The following FGGY variants were observed in gnomAD, a reference collection of about 807,000 sequenced individuals.
The protein encoded by FGGY is FGGY carbohydrate kinase domain-containing protein.
Under a neutral mutation model 71.3 loss-of-function variants are expected in FGGY, and 72 were observed. The observed-to-expected ratio is 1.01, with a 90% CI of 0.84 to 1.23. The LOEUF is 1.23. FGGY is among the 50% of genes most tolerant of loss of function. FGGY has a pLI of 0.00. For synonymous variants in FGGY, 251 were observed against 250.3 expected (o/e 1.00, Z -0.02); for missense variants, 668 against 682.3 (o/e 0.98, Z 0.23).
At chr1:59,453,544 G>A (rs1317198838) in intron 5 of FGGY, among the ~76,000 whole-genome samples, 1 of 152,164 alleles carries the variant, frequency 6.6e-6, no homozygotes, top group Admixed American at 6.5e-5. Context: ...CTCACTCACT[G>A]GAGTCTTGGC....
chr1:59,736,539 A>G (rs2098105797), intron 14 of FGGY, among the ~76,000 whole-genome samples: 1 of 152,174 alleles, frequency 6.6e-6, no homozygotes, highest in Non-Finnish European at 1.5e-5. Flanking sequence ...ACTGGAGCAA[A>G]GGTGACTCTT....
At chr1:59,340,323 G>A (rs917406844) in intron 3 of FGGY, among the ~76,000 whole-genome samples, 3 of 152,216 alleles carry the variant, frequency 2.0e-5, no homozygotes, top group African/African-American at 4.8e-5. Context: ...CTTGGTAAAG[G>A]AAGGATATGA....
intron 8 of FGGY, among the ~76,000 whole-genome samples, chr1:59,580,728 C>T (rs2096177884): frequency 6.6e-6 from 1 of 152,170 alleles, no homozygotes; most frequent in South Asian, 2.1e-4. Flanking sequence ...TTCAATCCCT[C>T]TATTCTACCG....
At chr1:59,327,857 G>A (rs936121985) in intron 2 of FGGY, among the ~76,000 whole-genome samples, 4 of 152,186 alleles carry the variant, frequency 2.6e-5, no homozygotes, top group Non-Finnish European at 4.4e-5. Flanking sequence ...GTGACTCGGT[G>A]CATTGTCAAT....
At chr1:59,653,428 G>A (rs554898678) in intron 11 of FGGY, among the ~76,000 whole-genome samples, 15 of 152,246 alleles carry the variant, frequency 9.9e-5, no homozygotes, top group Admixed American at 2.6e-4. Context: ...AGGACCCTCC[G>A]AGCCAGGTGT....
chr1:59,591,323 A>T (rs1170329957), intron 8 of FGGY, among the ~76,000 whole-genome samples: 2 of 152,226 alleles, frequency 1.3e-5, no homozygotes, highest in African/African-American at 4.8e-5. Context: ...TTCCATGCTC[A>T]TGGGTAGGAA....
chr1:59,441,703 GATGAAGAAA>G (rs2069931917), intron 5 of FGGY, among the ~76,000 whole-genome samples: 1 of 152,174 alleles, frequency 6.6e-6, no homozygotes, highest in Non-Finnish European at 1.5e-5. Context: ...CTTCTTAACA[GATGAAGAAA>G]ATGAAGAGCA....
intron 7 of FGGY, among the ~76,000 whole-genome samples, chr1:59,526,048 CTGTT>C (rs1398173042): frequency 5.3e-5 from 8 of 152,026 alleles, no homozygotes; most frequent in South Asian, 4.2e-4. Context: ...ATTTGTATGT[CTGTT>C]TATGTGTACA....
chr1:59,415,928 A>T (rs1178824253), intron 5 of FGGY, among the ~76,000 whole-genome samples: 1 of 152,222 alleles, frequency 6.6e-6, no homozygotes, highest in Non-Finnish European at 1.5e-5. Flanking sequence ...ATTTGGGTCA[A>T]GTGTACCTAC....
Position 59,583,825 on chromosome 1 carries a change from T to A in FGGY, c.904-23978T>A, listed in dbSNP as rs1490763321. ...GAGAGTGAGGAGTGAGAGGTCCAAA[T>A]TCAACTGGAGACCCTCAAGATGAGA... On this transcript the variant is annotated intron_variant, in intron 8 of 15. Transcript: ENST00000303721. Among the ~76,000 whole-genome samples, 7 of 141,902 alleles carry A rather than the reference T, an allele frequency of 4.9e-5. 1 individual carries two copies. In the South Asian group the frequency reaches 8.0e-4, roughly 16 times the overall value. 93.1% of individuals were successfully genotyped at this position (141,902 alleles called of 152,430 possible).
At chr1:59,474,781 T>C (rs942763357) in intron 6 of FGGY, among the ~76,000 whole-genome samples, 1 of 152,214 alleles carries the variant, frequency 6.6e-6, no homozygotes, top group African/African-American at 2.4e-5. Context: ...AAGTTCACAG[T>C]TGCCTATGGT....
intron 14 of FGGY, among the ~76,000 whole-genome samples, chr1:59,679,154 A>G (rs1317533202): frequency 6.6e-6 from 1 of 152,150 alleles, no homozygotes; most frequent in East Asian, 1.9e-4. Flanking sequence ...AAACATCCTC[A>G]TTGCTTAGCT....
chr1:59,377,689 G>A lies in FGGY; in HGVS notation c.466-1060G>A, dbSNP rs568164456. 2.0e-4 allele frequency among the ~76,000 whole-genome samples: 30 copies of A among 152,130 alleles called. 1 individual carries two copies. The South Asian group carries it at 3.9e-3, about 20-fold the overall frequency. ...ACCTAAACTAACAATATGACTTACC[G>A]GCTTTGATTTCCAGGAGATCCTGGA... On this transcript the variant is annotated intron_variant, in intron 4 of 15. Transcript: ENST00000303721.
At chr1:59,415,128 A>G (rs1367682350) in intron 5 of FGGY, among the ~76,000 whole-genome samples, 1 of 152,164 alleles carries the variant, frequency 6.6e-6, no homozygotes, top group African/African-American at 2.4e-5. Context: ...GTCAGCAGGC[A>G]CCGATTTCTT....
Position 59,412,689 on chromosome 1 carries a change from G to A in FGGY, c.554+33852G>A, listed in dbSNP as rs545494599. Among the ~76,000 whole-genome samples, 23 of 152,240 alleles carry A rather than the reference G, an allele frequency of 1.5e-4. No homozygotes were observed. In the South Asian group the frequency reaches 4.8e-3, roughly 32 times the overall value. ...TTATTTATTGAGACTTTCCCTGTGTGAGACATTGTGTACAGGTAGACAAAA... is the reference window on the plus strand; with the variant it reads ...TTATTTATTGAGACTTTCCCTGTGTAAGACATTGTGTACAGGTAGACAAAA... On this transcript the variant is annotated intron_variant, in intron 5 of 15. Transcript: ENST00000303721.
chr1:59,353,642 A>G (rs1180248111), intron 4 of FGGY, among the ~76,000 whole-genome samples: 1 of 152,252 alleles, frequency 6.6e-6, no homozygotes, highest in Non-Finnish European at 1.5e-5. Flanking sequence ...CCAGTCTCAG[A>G]ATGTTTTTAC....
intron 5 of FGGY, among the ~76,000 whole-genome samples, chr1:59,404,789 G>A (rs1474432196): frequency 6.6e-6 from 1 of 152,162 alleles, no homozygotes; most frequent in East Asian, 1.9e-4. Flanking sequence ...TGAGAACCTA[G>A]CATCTGGGTG....
At chr1:59,396,584 C>T (rs948196834) in intron 5 of FGGY, among the ~76,000 whole-genome samples, 15 of 152,218 alleles carry the variant, frequency 9.9e-5, no homozygotes, top group Non-Finnish European at 1.8e-4. Flanking sequence ...TTGATGTTAT[C>T]GCACTTCCTA....
At chr1:59,523,570 CTG>C (rs1363259081) in intron 7 of FGGY, among the ~76,000 whole-genome samples, 2 of 152,170 alleles carry the variant, frequency 1.3e-5, no homozygotes, top group Non-Finnish European at 2.9e-5. Flanking sequence ...TCAGTACACT[CTG>C]TAGCTAGTAT....
Sources: allele counts gnomAD v4.1 joint callset (sites outside exome capture counted in the v4.1 genomes callset), GRCh38; gene constraint gnomAD v4.1.1; transcripts MANE v1.5; gene names NCBI Gene and HGNC (gene_info 2026-07-23, HGNC 2026-07-21).